The following SCRIB variants were observed in gnomAD, a reference collection of about 807,000 sequenced individuals.
SCRIB encodes the protein scribble planar cell polarity protein.
A neutral mutation model predicts 170.0 loss-of-function variants in SCRIB; 72 were observed. The ratio of observed to expected loss-of-function variants is 0.42; its 90% confidence interval spans 0.35 to 0.52. The LOEUF (loss-of-function observed/expected upper bound fraction) is 0.52, where lower values mean the gene tolerates loss of function less well. SCRIB is among the 20% of genes least tolerant of loss of function. The probability of loss-of-function intolerance (pLI) is 0.02; values close to 1 mark genes in which losing one functional copy is unlikely to be tolerated. For synonymous variants in SCRIB, 1,298 were observed against 1,044.3 expected (o/e 1.24, Z -4.68); for missense variants, 2,475 against 2,338.5 (o/e 1.06, Z -1.20).
Position 143,805,012 on chromosome 8 carries a change from G to T in SCRIB, c.2673C>A (p.Gly891=), listed in dbSNP as rs782039782. The T allele has an allele frequency of 1.3e-6, 2 of 1,586,880 alleles. No homozygotes were observed. The highest frequency in any genetic ancestry group is 2.3e-5 in the East Asian group (1 of 43,966). ...GSTPYRAGDA[G]IFVSRIAEGG... ...CCTCGGCAATGCGGGAGACGAAGAT[G>T]CCCTGCAGGGGAGGGTGGAGGAGGC... is the stretch of plus-strand genomic sequence containing the variant. The change falls in exon 20 of 37, where the codon GGC becomes GGA. Residue 891 remains glycine, a splice_region_variant and synonymous_variant. Coordinates refer to ENST00000356994, the MANE Select transcript of SCRIB (RefSeq NM_182706.5).
rs782285085 is a variant in SCRIB at position 143,804,622 on chromosome 8, C to T, written c.2955G>A (p.Pro985=). The change falls in exon 21 of 37, where the codon CCG becomes CCA. Residue 985 remains proline (P), a synonymous_variant. Transcript: ENST00000356994. ...TTATPGVPGL[P]SLAPSLLAAA... is the part of the protein sequence containing the mutation. ...CAGCCAGCAGGCTGGGGGCCAGGCT[C>T]GGCAACCCAGGCACCCCGGGGGTGG... 12 of 1,525,404 alleles carry T rather than the reference C, an allele frequency of 7.9e-6. No individual in the cohort carries two copies. Among genetic ancestry groups the T allele is most frequent in the Admixed American group, 6.0e-5 (3 of 50,070 alleles). The allele number at this position is 1,525,404 out of a possible 1,614,324, so 94.5% of individuals were successfully genotyped here.
intron 27 of SCRIB, chr8:143,794,299 C>T (rs1456819161): frequency 3.0e-6 from 1 of 338,258 alleles, no homozygotes; most frequent in Non-Finnish European, 5.6e-6. Context: ...TGGGGAGCCC[C>T]TACTTGTGGT....
Position 143,810,709 on chromosome 8 carries a change from C to G in SCRIB, c.1381G>C (p.Glu461Gln). 1 of 1,605,344 alleles carries G rather than the reference C, an allele frequency of 6.2e-7. No homozygotes were observed. The highest frequency in any genetic ancestry group is 8.5e-7 in the Non-Finnish European group (1 of 1,174,374). ...ACCCGCTTCTCAGCTGCAGCTTCCT[C>G]AGCGTCCTCATCACCTATGGGGGCC... ...LEAPIGDEDA[E>Q]EAAAEKRGLQ... is the part of the protein sequence containing the mutation. The change falls in exon 12 of 37, where the codon GAG (glutamate) becomes CAG (glutamine). Residue 461 changes from glutamate (E) to glutamine (Q), a missense_variant. By Grantham distance (29) the Glu-to-Gln change is conservative. This residue lies in a region of SCRIB where 1,966 missense variants were observed against 1,742.9 expected (regional missense o/e 1.13). Transcript: ENST00000356994.
chr8:143,806,185 C>T (rs980872494), intron 18 of SCRIB, among the ~76,000 whole-genome samples: 6 of 152,216 alleles, frequency 3.9e-5, no homozygotes, highest in Non-Finnish European at 7.3e-5. Context: ...AATCAGGGCG[C>T]TGGATGGGAG....
In SCRIB at chr8:143,792,778, C is replaced by A. The variant is rs782632593; in HGVS notation, c.4107G>T (p.Gln1369His). 1.4e-5 allele frequency: 22 copies of A among 1,582,914 alleles called. No homozygotes were observed. The highest frequency in any genetic ancestry group is 1.9e-5 in the Non-Finnish European group (22 of 1,167,212). The change falls in exon 30 of 37, where the codon CAG (glutamine) becomes CAT (histidine). Residue 1369 changes from glutamine (Q) to histidine (H), a missense_variant. Gln to His is a conservative substitution (Grantham distance 24). Around this residue, in one of 3 missense-constraint regions of SCRIB, gnomAD observed 1,966 missense variants for 1,742.9 expected, o/e 1.13. Transcript: ENST00000356994. ...KYFELEVRVP[Q>H]AEGPPKRVSL... ...ACACGCGCTTAGGGGGGCCCTCGGC[C>A]TGGGGCACGCGCACCTCCAGCTCAA... is the stretch of plus-strand genomic sequence containing the variant.
chr8:143,804,019 C>A, intron 22 of SCRIB, 27 bp downstream of exon 22: 1 of 1,585,578 alleles, frequency 6.3e-7, no homozygotes. Context: ...GCACCTCTCA[C>A]AGAACCGCCT....
rs201104891 is a variant in SCRIB at position 143,808,793 on chromosome 8, C to A, written c.1931G>T (p.Gly644Val). 75 of 1,610,126 alleles carry A rather than the reference C, an allele frequency of 4.7e-5. No individual in the cohort carries two copies. In the East Asian group the frequency reaches 1.5e-3, roughly 32 times the overall value. Residue 644 changes from glycine (G) to valine (V), a missense_variant, in exon 15 of 37, where the codon GGC (glycine) becomes GTC (valine). Gly to Val is a moderately radical substitution (Grantham distance 109). Transcript: ENST00000356994. Reference protein sequence around the residue: ...PDGEGPVAPGGWHNGPHAPWA... With the variant: ...PDGEGPVAPGVWHNGPHAPWA... ...GGGTGCGTGGGGGCCATTGTGCCAG[C>A]CCCCGGGAGCCACAGGGCCCTCCCC... is the stretch of plus-strand genomic sequence containing the variant.
intron 24 of SCRIB, among the ~76,000 whole-genome samples, chr8:143,801,625 C>T (rs782139975): frequency 6.6e-6 from 1 of 152,188 alleles, no homozygotes; most frequent in Admixed American, 6.5e-5. Flanking sequence ...GGCTGCTGGA[C>T]GGAAGCCAGG....
intron 15 of SCRIB, 69 bp from the exon 16 acceptor site, chr8:143,807,683 G>A: frequency 8.4e-7 from 1 of 1,188,890 alleles, no homozygotes; most frequent in Non-Finnish European, 1.2e-6. Flanking sequence ...GCCTCACCCA[G>A]CCCCCGCCAC....
intron 24 of SCRIB, among the ~76,000 whole-genome samples, chr8:143,799,552 A>G (rs1054293401): frequency 9.2e-5 from 14 of 152,192 alleles, no homozygotes; most frequent in African/African-American, 2.4e-4. Flanking sequence ...TCTCTCAGAC[A>G]GCGCACACCC....
In SCRIB at chr8:143,814,002, G is replaced by A. The variant is rs779932560; in HGVS notation, c.276C>T (p.Asn92=). The A allele has an allele frequency of 8.9e-5, 115 of 1,290,748 alleles. No homozygotes were observed. The highest frequency in any genetic ancestry group is 9.7e-5 in the Non-Finnish European group (90 of 927,416). The allele number at this position is 1,290,748 out of a possible 1,614,324, so 80.0% of individuals were successfully genotyped here. The change falls in exon 2 of 37, where the codon AAC becomes AAT. Residue 92 remains asparagine (N), a splice_region_variant and synonymous_variant. Coordinates refer to ENST00000356994, the MANE Select transcript of SCRIB (RefSeq NM_182706.5). Reference sequence around the variant, plus strand: ...CCAGCCCCTGCCCAGGCTCCCCACCGTTCCGGGACACGTCCAGCTCCACCA... The same window carrying A: ...CCAGCCCCTGCCCAGGCTCCCCACCATTCCGGGACACGTCCAGCTCCACCA... ...MQLVELDVSR[N]DIPEIPESIK... is the part of the protein sequence containing the mutation.
At chr8:143,807,655 G>C in intron 15 of SCRIB, 41 bp from the exon 16 acceptor site, 1 of 1,508,882 alleles carries the variant, frequency 6.6e-7, no homozygotes. Context: ...GTTAGCCACC[G>C]CCAAGACCAC....
rs749929191 is a variant in SCRIB at position 143,808,732 on chromosome 8, C to T, written c.1992G>A (p.Glu664=). ...CCTCCTCCTGAGGACTACCCTCTTC[C>T]TCCTCCTCCTCCTCCTTCTGGGCCC... ...APRAQKEEEE[E]EEGSPQEEEE... The change falls in exon 15 of 37, where the codon GAG becomes GAA. Residue 664 remains glutamate, a synonymous_variant. Transcript: ENST00000356994. The T allele has an allele frequency of 3.3e-6, 5 of 1,535,936 alleles. No individual in the cohort carries two copies. The Admixed American group carries it at 5.5e-5, about 17-fold the overall frequency.
At chr8:143,804,007 G>A in intron 22 of SCRIB, 39 bp downstream of exon 22, 1 of 1,579,710 alleles carries the variant, frequency 6.3e-7, no homozygotes, top group Non-Finnish European at 8.6e-7. Flanking sequence ...CCTGGGATGG[G>A]TGCACCTCTC....
In SCRIB at chr8:143,791,893, T is replaced by A; in HGVS notation, c.4678A>T (p.Thr1560Ser). The A allele has an allele frequency of 6.8e-7, 1 of 1,471,608 alleles. No individual in the cohort carries two copies. The highest frequency in any genetic ancestry group is 9.0e-7 in the Non-Finnish European group (1 of 1,111,622). The allele number at this position is 1,471,608 out of a possible 1,614,324, so 91.2% of individuals were successfully genotyped here. A position where few individuals can be genotyped will look rare whatever the true frequency, so the allele number is the denominator to read the frequency against. Residue 1560 changes from threonine to serine, a missense_variant, in exon 34 of 37, where the codon ACC (threonine) becomes TCC (serine). This residue lies in a region of SCRIB where 1,966 missense variants were observed against 1,742.9 expected (regional missense o/e 1.13). Transcript: ENST00000356994. ...PVEDLGPQTS[T>S]SPGRLPLSGK... ...CTCCTCACCAGGCGTCCCGGGGAGG[T>A]GCTGGTCTGGGGGCCGAGGTCTGGG...
At position 143,815,303 on chromosome 8, in the gene SCRIB, G is replaced by A; in HGVS notation, c.70C>T (p.Leu24=). 1 of 1,590,522 alleles carries A rather than the reference G, an allele frequency of 6.3e-7. No homozygotes were observed. ...VESVDKRHCS[L]QAVPEEIYRY... The stretch of plus-strand genomic sequence containing the variant: ...TAGATCTCCTCCGGCACGGCCTGCA[G>A]CGAACAGTGCCGCTTGTCCACCGAC... Residue 24 remains leucine (L), a synonymous_variant, in exon 1 of 37, where the codon CTG becomes TTG. Transcript: ENST00000356994.
At chr8:143,796,533 T>C (rs1416674571) in intron 24 of SCRIB, among the ~76,000 whole-genome samples, 4 of 152,032 alleles carry the variant, frequency 2.6e-5, no homozygotes, top group African/African-American at 7.3e-5. Flanking sequence ...TTCAGAGCTG[T>C]CGAGCAGGCA....
rs1586544703 is a variant in SCRIB, at chr8:143,815,555, G to A, written c.-183C>T. The A allele has an allele frequency of 5.1e-6, 5 of 980,646 alleles. No homozygotes were observed. The highest frequency in any genetic ancestry group is 1.2e-4 in the East Asian group (1 of 8,684). 60.7% of individuals were successfully genotyped at this position (980,646 alleles called of 1,614,324 possible). A position where few individuals can be genotyped will look rare whatever the true frequency, so the allele number is the denominator to read the frequency against. Reference sequence around the variant, plus strand: ...GGCCCGGCCCGCGCTCGGAACGCTCGGACTGCGGGCCTGGGCAGGGGGCGC... The same window carrying A: ...GGCCCGGCCCGCGCTCGGAACGCTCAGACTGCGGGCCTGGGCAGGGGGCGC... On this transcript the variant is annotated 5_prime_UTR_variant, in exon 1 of 37. Transcript: ENST00000356994.
chr8:143,807,121 G>A, intron 16 of SCRIB, 108 bp from the exon 17 acceptor site: 1 of 802,004 alleles, frequency 1.2e-6, no homozygotes, highest in Non-Finnish European at 2.1e-6. Flanking sequence ...TTTTCTCTAG[G>A]CAGCTGAATG....
Sources: gnomAD v4.1 joint callset for allele counts (sites outside exome capture counted in the v4.1 genomes callset) on GRCh38, gnomAD v4.1.1 for gene constraint, gnomAD v4.1.1 regional missense constraint, MANE v1.5 for transcripts, NCBI Gene and HGNC (gene_info 2026-07-23, HGNC 2026-07-21) for gene names.